The following TACC2 variants were observed in gnomAD, a reference collection of about 807,000 sequenced individuals.
TACC2 encodes transforming acidic coiled-coil-containing protein 2.
A neutral mutation model predicts 227.3 loss-of-function variants in TACC2; 137 were observed. The observed-to-expected ratio is 0.60, with a 90% CI of 0.52 to 0.69. The LOEUF (loss-of-function observed/expected upper bound fraction) is 0.69, where lower values mean the gene tolerates loss of function less well. Among genes scored for constraint, TACC2 ranks in the 30% least tolerant of loss-of-function variants. The pLI is 0.00. For synonymous variants in TACC2, 1,523 were observed against 1,487.5 expected, an observed-to-expected ratio of 1.02 and a Z score of -0.55; for missense variants, 3,470 against 3,694.4, an observed-to-expected ratio of 0.94 and a Z score of 1.57.
chr10:122,077,412 G>A (rs1301787613), intron 3 of TACC2, among the ~76,000 whole-genome samples: 1 of 152,130 alleles, frequency 6.6e-6, no homozygotes, highest in Non-Finnish European at 1.5e-5. Flanking sequence ...GCGCTAGGTG[G>A]GCCTGTGAAA....
chr10:122,189,381 C>G (rs565524983), intron 7 of TACC2, among the ~76,000 whole-genome samples: 1 of 152,176 alleles, frequency 6.6e-6, no homozygotes, highest in Non-Finnish European at 1.5e-5. Flanking sequence ...GAAGGTCTCC[C>G]TCTCTCTTCA....
At chr10:122,172,832 G>A (rs187262918) in intron 7 of TACC2, among the ~76,000 whole-genome samples, 72 of 152,252 alleles carry the variant, frequency 4.7e-4, no homozygotes, top group African/African-American at 1.6e-3. Flanking sequence ...AGCAGACGGG[G>A]AGGGCAGGGG....
intron 8 of TACC2, among the ~76,000 whole-genome samples, chr10:122,203,564 G>A (rs2094967231): frequency 6.6e-6 from 1 of 151,628 alleles, no homozygotes; most frequent in Admixed American, 6.6e-5. Context: ...CGGATGGGGC[G>A]GCAGGGCAGA....
At chr10:121,994,263 C>T (rs547669029) in intron 1 of TACC2, among the ~76,000 whole-genome samples, 24 of 152,352 alleles carry the variant, frequency 1.6e-4, no homozygotes, top group Non-Finnish European at 3.2e-4. Context: ...ACTAGAAGCA[C>T]TGCTAATTTT....
intron 16 of TACC2, among the ~76,000 whole-genome samples, chr10:122,232,084 C>CAGGG (rs1207095831): frequency 6.6e-6 from 1 of 152,236 alleles, no homozygotes; most frequent in African/African-American, 2.4e-5. Flanking sequence ...AGACCCAAGG[C>CAGGG]AGGGACAAGA....
intron 7 of TACC2, among the ~76,000 whole-genome samples, chr10:122,148,143 G>T (rs1204075774): frequency 4.3e-5 from 6 of 140,414 alleles, no homozygotes; most frequent in Non-Finnish European, 9.0e-5. Context: ...CGCTCTCATA[G>T]CCCAGGCTGG....
At position 122,193,364 on chromosome 10, in the gene TACC2, T is replaced by C. The variant is rs74893850; in HGVS notation, c.5835-1676T>C. Among the ~76,000 whole-genome samples, 308 of 152,266 alleles carry C rather than the reference T, an allele frequency of 2.0e-3. 1 individual carries two copies. Among genetic ancestry groups the C allele is most frequent in the African/African-American group, 7.1e-3 (296 of 41,564 alleles). ...AAATAGCTCTTTCTTCAGGTCCCAG[T>C]GGATAGTGGAGGGATTGGTTTGGTT... On this transcript the variant is annotated intron_variant, in intron 7 of 22. Transcript: ENST00000369005.
intron 3 of TACC2, among the ~76,000 whole-genome samples, chr10:122,059,109 G>C (rs2076524888): frequency 6.8e-6 from 1 of 146,834 alleles, no homozygotes; most frequent in South Asian, 2.2e-4. Flanking sequence ...GTAGAGACGG[G>C]GTTTCACCAT....
At chr10:122,104,514 G>A (rs981716256) in intron 5 of TACC2, among the ~76,000 whole-genome samples, 3 of 151,930 alleles carry the variant, frequency 2.0e-5, no homozygotes, top group African/African-American at 4.8e-5. Context: ...GATTACAGGC[G>A]CTTGCCACCA....
At position 122,224,744 on chromosome 10, in the gene TACC2, C is replaced by G. The variant is rs867288575; in HGVS notation, c.7565C>G (p.Ser2522Cys). 1 of 1,613,938 alleles carries G rather than the reference C, an allele frequency of 6.2e-7. No homozygotes were observed. The highest frequency in any genetic ancestry group is 8.5e-7 in the Non-Finnish European group (1 of 1,179,986). ...TTTGCAGAGTTGGATTACAGAAACT[C>G]CTATGAAATTGAATATATGGAGAAA... The part of the protein sequence containing the change: ...SPTEELDYRN[S>C]YEIEYMEKIG... The change falls in exon 12 of 23, where the codon TCC (serine) becomes TGC (cysteine). Residue 2522 changes from serine (S) to cysteine (C), a missense_variant. Around this residue, in one of 10 missense-constraint regions of TACC2, gnomAD observed 345 missense variants for 354.4 expected, o/e 0.97. Transcript: ENST00000369005.
chr10:122,075,439 A>C (rs757376659), intron 3 of TACC2, among the ~76,000 whole-genome samples: 14 of 152,178 alleles, frequency 9.2e-5, no homozygotes, highest in Non-Finnish European at 1.9e-4. Context: ...CGAACACCTT[A>C]ACCCCACCCA....
chr10:122,170,075 C>T (rs1415911685), intron 7 of TACC2, among the ~76,000 whole-genome samples: 2 of 151,842 alleles, frequency 1.3e-5, no homozygotes, highest in African/African-American at 2.4e-5. Flanking sequence ...TACTTCATAT[C>T]TCCTCTTGGA....
At chr10:122,159,835 G>A (rs1287481258) in intron 7 of TACC2, among the ~76,000 whole-genome samples, 2 of 152,098 alleles carry the variant, frequency 1.3e-5, no homozygotes, top group East Asian at 3.9e-4. Context: ...TTAGCAGCTC[G>A]GGGTCCATTG....
chr10:122,250,400 A>G (rs960247147), intron 22 of TACC2, among the ~76,000 whole-genome samples: 1 of 152,228 alleles, frequency 6.6e-6, no homozygotes, highest in Non-Finnish European at 1.5e-5. Flanking sequence ...CGAGCCCAGC[A>G]GCCTGGGTTG....
intron 6 of TACC2, among the ~76,000 whole-genome samples, chr10:122,136,676 C>T (rs1392560022): frequency 5.9e-5 from 9 of 152,008 alleles, no homozygotes; most frequent in Admixed American, 1.3e-4. Flanking sequence ...GCCTCAGCCT[C>T]CTGACTAGCT....
chr10:122,097,503 C>T (rs1323331876), intron 5 of TACC2, among the ~76,000 whole-genome samples: 2 of 151,022 alleles, frequency 1.3e-5, no homozygotes, highest in African/African-American at 4.9e-5. Context: ...ACTCAGTTTT[C>T]AGGCCAGGAG....
chr10:122,227,724 C>A, intron 13 of TACC2, 113 bp from the exon 14 acceptor site: 1 of 1,214,526 alleles, frequency 8.2e-7, no homozygotes, highest in Non-Finnish European at 1.2e-6. Context: ...TGGCTCATAT[C>A]CCTCTGGAAG....
chr10:122,152,026 T>A (rs1199899996), intron 7 of TACC2, among the ~76,000 whole-genome samples: 2 of 152,150 alleles, frequency 1.3e-5, no homozygotes, highest in Non-Finnish European at 2.9e-5. Context: ...TTCCTCCCCT[T>A]ACTGCCCAAG....
chr10:122,235,025 AAC>A (rs1564768479), intron 16 of TACC2, among the ~76,000 whole-genome samples: 2 of 152,348 alleles, frequency 1.3e-5, no homozygotes, highest in Admixed American at 1.3e-4. Context: ...CATTAAAAAA[AAC>A]ACACACATTT....
Sources: allele counts gnomAD v4.1 joint callset (sites outside exome capture counted in the v4.1 genomes callset), GRCh38; gene constraint gnomAD v4.1.1; regional missense constraint gnomAD v4.1.1; transcripts MANE v1.5; gene names NCBI Gene and HGNC (gene_info 2026-07-23, HGNC 2026-07-21).